The following CSMD1 variants were observed in gnomAD, a reference collection of about 807,000 sequenced individuals.
The protein encoded by CSMD1 is CUB and Sushi multiple domains 1.
Under a neutral mutation model 417.5 loss-of-function variants are expected in CSMD1, and 213 were observed. The ratio of observed to expected loss-of-function variants is 0.51; its 90% CI spans 0.46 to 0.57. The LOEUF is 0.57. Among genes scored for constraint, CSMD1 ranks in the 20% least tolerant of loss-of-function variants. The probability of loss-of-function intolerance (pLI) is 0.00; values close to 1 mark genes in which losing one functional copy is unlikely to be tolerated. For missense variants in CSMD1, 6,923 were observed against 4,529.7 expected, an observed-to-expected ratio of 1.53 and a Z score of -15.17; for synonymous variants, 2,862 against 1,736.8, an observed-to-expected ratio of 1.65 and a Z score of -16.11.
intron 3 of CSMD1, among the ~76,000 whole-genome samples, chr8:4,205,797 T>C (rs550339633): frequency 3.9e-4 from 60 of 152,158 alleles, no homozygotes; most frequent in African/African-American, 1.4e-3. Context: ...TGTTAGATAT[T>C]TGTGGGGGTA....
At chr8:4,087,341 C>A (rs1033992304) in intron 3 of CSMD1, among the ~76,000 whole-genome samples, 1 of 152,194 alleles carries the variant, frequency 6.6e-6, no homozygotes, top group Non-Finnish European at 1.5e-5. Context: ...CCCAGGGAAC[C>A]ACTTGCAAGT....
intron 5 of CSMD1, among the ~76,000 whole-genome samples, chr8:3,917,804 T>G (rs1260567045): frequency 6.6e-6 from 1 of 152,110 alleles, no homozygotes; most frequent in African/African-American, 2.4e-5. Context: ...GTTTTGCCAT[T>G]AGCAATATTA....
At chr8:4,972,169 G>T (rs141492841) in intron 1 of CSMD1, among the ~76,000 whole-genome samples, 1 of 152,110 alleles carries the variant, frequency 6.6e-6, no homozygotes, top group Non-Finnish European at 1.5e-5. Flanking sequence ...CACACACGTA[G>T]AAGTTATAAA....
At chr8:4,020,246 G>A (rs572855540) in intron 4 of CSMD1, among the ~76,000 whole-genome samples, 1 of 152,156 alleles carries the variant, frequency 6.6e-6, no homozygotes. Context: ...AAGACACACA[G>A]TGTCCAATTG....
At chr8:4,205,117 A>G (rs1192417705) in intron 3 of CSMD1, among the ~76,000 whole-genome samples, 1 of 152,240 alleles carries the variant, frequency 6.6e-6, no homozygotes, top group African/African-American at 2.4e-5. Flanking sequence ...GATTTAACAT[A>G]AACACATTTA....
chr8:3,805,510 C>G lies in CSMD1; in HGVS notation c.819-51468G>C, dbSNP rs558512611. 3.9e-5 allele frequency among the ~76,000 whole-genome samples: 6 copies of G among 152,268 alleles called. No individual in the cohort carries two copies. The South Asian group carries it at 8.3e-4, about 21-fold the overall frequency. Reference sequence around the variant, plus strand: ...TTCCTGACCATGTTCAGGGATGACTCTGAGTCCTGGAACACTTTCATCTGC... The same window carrying G: ...TTCCTGACCATGTTCAGGGATGACTGTGAGTCCTGGAACACTTTCATCTGC... On this transcript the variant is annotated intron_variant, in intron 5 of 69. Coordinates refer to ENST00000635120, the MANE Select transcript of CSMD1 (RefSeq NM_033225.6).
chr8:4,281,677 G>A (rs4322029), intron 3 of CSMD1, among the ~76,000 whole-genome samples: 131,177 of 152,200 alleles, frequency 0.86, 57,531 homozygotes, highest in East Asian at 0.97. Context: ...AGTAACATCT[G>A]TATGTGATAA....
intron 36 of CSMD1, among the ~76,000 whole-genome samples, chr8:3,185,878 C>T (rs747510323): frequency 3.3e-5 from 5 of 152,202 alleles, no homozygotes; most frequent in Admixed American, 6.5e-5. Context: ...ATGAGCAACA[C>T]AATTCAATAT....
intron 5 of CSMD1, among the ~76,000 whole-genome samples, chr8:3,896,573 G>T (rs1198253388): frequency 1.3e-5 from 2 of 151,546 alleles, no homozygotes; most frequent in Non-Finnish European, 2.9e-5. Context: ...GTGCAGTGGC[G>T]TGATCTCGGC....
At chr8:3,241,034 G>A (rs1256496385) in intron 26 of CSMD1, among the ~76,000 whole-genome samples, 24 of 149,514 alleles carry the variant, frequency 1.6e-4, no homozygotes, top group African/African-American at 5.4e-4. Context: ...ACCAAGGAGG[G>A]AGTAGAGGTA....
Position 4,757,679 on chromosome 8 carries a change from C to A in CSMD1, c.86-120121G>T, listed in dbSNP as rs145152850. On this transcript the variant is annotated intron_variant, in intron 1 of 69. Transcript: ENST00000635120. ...ATTTTGTGTAAAAAGCGACATTATG[C>A]TGGGCATGGTGGCTTATGTCTGTAA... is the stretch of plus-strand genomic sequence containing the variant. Among the ~76,000 whole-genome samples the A allele has an allele frequency of 9.8e-4, 149 of 152,210 alleles. 1 individual carries two copies. The highest frequency in any genetic ancestry group is 3.5e-3 in the African/African-American group (144 of 41,530).
intron 12 of CSMD1, among the ~76,000 whole-genome samples, chr8:3,466,325 C>A (rs1246201798): frequency 6.6e-6 from 1 of 152,050 alleles, no homozygotes; most frequent in East Asian, 1.9e-4. Flanking sequence ...GTGTTCCTAA[C>A]ACTAGATGTT....
intron 61 of CSMD1, among the ~76,000 whole-genome samples, chr8:2,961,914 A>G (rs1803527327): frequency 6.6e-6 from 1 of 152,248 alleles, no homozygotes. Context: ...TTCTAATTAG[A>G]AAAAATGCTT....
At chr8:3,874,126 C>T (rs1337467327) in intron 5 of CSMD1, among the ~76,000 whole-genome samples, 2 of 152,174 alleles carry the variant, frequency 1.3e-5, no homozygotes, top group East Asian at 3.9e-4. Context: ...CTCCAGGAGG[C>T]CTACCCCTTC....
chr8:3,677,463 G>T (rs1188184994), intron 7 of CSMD1, among the ~76,000 whole-genome samples: 1 of 152,208 alleles, frequency 6.6e-6, no homozygotes. Context: ...AGTCCTGGGT[G>T]AATGCACAGA....
At chr8:3,493,594 G>C (rs750812412) in intron 11 of CSMD1, 29 bp downstream of exon 11, 2 of 1,567,200 alleles carry the variant, frequency 1.3e-6, no homozygotes, top group Non-Finnish European at 1.7e-6. Context: ...GCATGCATAA[G>C]AGAAGAAGAA....
intron 3 of CSMD1, among the ~76,000 whole-genome samples, chr8:4,128,212 C>T (rs903508312): frequency 3.9e-5 from 6 of 152,164 alleles, no homozygotes; most frequent in Middle Eastern, 6.8e-3. Flanking sequence ...AACAGCAGCT[C>T]CTCCTTGAAA....
intron 54 of CSMD1, among the ~76,000 whole-genome samples, chr8:2,981,387 T>G (rs1201484896): frequency 1.3e-5 from 2 of 152,166 alleles, no homozygotes; most frequent in Admixed American, 6.5e-5. Context: ...GCCAGTGAAG[T>G]TCATGGTGCG....
intron 3 of CSMD1, among the ~76,000 whole-genome samples, chr8:4,162,014 T>A (rs183894076): frequency 2.6e-4 from 39 of 152,330 alleles, no homozygotes; most frequent in Admixed American, 3.3e-4. Context: ...CCATTCTGTA[T>A]TTGCCTTCGA....
Sources: gnomAD v4.1 joint callset for allele counts (sites outside exome capture counted in the v4.1 genomes callset) on GRCh38, gnomAD v4.1.1 for gene constraint, MANE v1.5 for transcripts, NCBI Gene and HGNC (gene_info 2026-07-23, HGNC 2026-07-21) for gene names.